P3H2: variants seen among roughly 807,000 people sequenced by gnomAD.
P3H2 encodes leprecan-like 1.
Under a neutral mutation model 87.0 loss-of-function variants are expected in P3H2, and 80 were observed. The observed-to-expected ratio is 0.92, with a 90% CI of 0.77 to 1.11. P3H2 has a LOEUF of 1.11. Among genes scored for constraint, P3H2 ranks in the 50% least tolerant of loss-of-function variants. The pLI is 0.00. For missense variants in P3H2, 1,001 were observed against 923.9 expected (o/e 1.08, Z -1.08); for synonymous variants, 367 against 359.3 (o/e 1.02, Z -0.24).
At chr3:189,958,756 T>C (rs1722719604) in intron 14 of P3H2, among the ~76,000 whole-genome samples, 1 of 144,118 alleles carries the variant, frequency 6.9e-6, no homozygotes, top group Non-Finnish European at 1.5e-5. Flanking sequence ...CAGGCTGGAG[T>C]CCAGTGACGC....
intron 1 of P3H2, among the ~76,000 whole-genome samples, chr3:190,119,582 G>T (rs1351058960): frequency 6.6e-6 from 1 of 152,186 alleles, no homozygotes; most frequent in Non-Finnish European, 1.5e-5. Context: ...CCAGTCCAAT[G>T]CATACCACCA....
chr3:190,043,017 C>A (rs913727383), intron 1 of P3H2, among the ~76,000 whole-genome samples: 1 of 152,068 alleles, frequency 6.6e-6, no homozygotes, highest in African/African-American at 2.4e-5. Context: ...AGTAGCAGAA[C>A]AGAGTACCAT....
intron 1 of P3H2, among the ~76,000 whole-genome samples, chr3:190,050,073 T>C (rs1725930731): frequency 6.6e-6 from 1 of 152,146 alleles, no homozygotes. Flanking sequence ...CAGTGAAAAA[T>C]GCTAATATAA....
At chr3:189,985,963 A>C (rs1287621021) in intron 6 of P3H2, among the ~76,000 whole-genome samples, 1 of 152,180 alleles carries the variant, frequency 6.6e-6, no homozygotes, top group Non-Finnish European at 1.5e-5. Flanking sequence ...AAAAGAATAC[A>C]AATCTCTTTA....
chr3:190,080,659 C>T (rs1037411658), intron 1 of P3H2, among the ~76,000 whole-genome samples: 1 of 152,138 alleles, frequency 6.6e-6, no homozygotes, highest in Non-Finnish European at 1.5e-5. Flanking sequence ...GCCTCGGCCT[C>T]CCAAAGTGCT....
chr3:190,051,831 G>A (rs1320568682), intron 1 of P3H2, among the ~76,000 whole-genome samples: 1 of 152,192 alleles, frequency 6.6e-6, no homozygotes, highest in South Asian at 2.1e-4. Context: ...TTTCAGCCAA[G>A]GGAGGCATTT....
At chr3:189,992,723 GTATC>G (rs1723915187) in intron 3 of P3H2, among the ~76,000 whole-genome samples, 1 of 152,112 alleles carries the variant, frequency 6.6e-6, no homozygotes, top group Non-Finnish European at 1.5e-5. Flanking sequence ...AGTAACAATA[GTATC>G]TATAAGAGTT....
At chr3:189,991,509 C>A (rs1723875835) in intron 3 of P3H2, among the ~76,000 whole-genome samples, 1 of 152,206 alleles carries the variant, frequency 6.6e-6, no homozygotes, top group Non-Finnish European at 1.5e-5. Context: ...ATTCATTAAT[C>A]AACCCATTCA....
At chr3:190,011,115 A>C (rs1283382962) in intron 1 of P3H2, among the ~76,000 whole-genome samples, 1 of 152,138 alleles carries the variant, frequency 6.6e-6, no homozygotes, top group Non-Finnish European at 1.5e-5. Flanking sequence ...CTCTACTAAA[A>C]ATACAAACAA....
At chr3:190,064,893 T>C (rs1395346701) in intron 1 of P3H2, among the ~76,000 whole-genome samples, 1 of 152,108 alleles carries the variant, frequency 6.6e-6, no homozygotes, top group African/African-American at 2.4e-5. Flanking sequence ...AAAATCAAAA[T>C]GTAAAGCAGC....
chr3:190,101,304 C>T (rs1711616726), intron 1 of P3H2, among the ~76,000 whole-genome samples: 1 of 129,218 alleles, frequency 7.7e-6, no homozygotes, highest in Non-Finnish European at 1.5e-5. Context: ...CTGAGGAAGG[C>T]AGGTCAAAAG....
At chr3:189,977,934 T>C (rs1192964797) in intron 8 of P3H2, among the ~76,000 whole-genome samples, 1 of 152,120 alleles carries the variant, frequency 6.6e-6, no homozygotes, top group Non-Finnish European at 1.5e-5. Context: ...AAATCCCCCC[T>C]AAACGTCTTA....
At chr3:189,965,711 C>T (rs1018811377) in intron 13 of P3H2, among the ~76,000 whole-genome samples, 11 of 152,090 alleles carry the variant, frequency 7.2e-5, no homozygotes, top group Admixed American at 5.2e-4. Flanking sequence ...TGAGGCCGGG[C>T]GTGGTGGCTC....
intron 1 of P3H2, among the ~76,000 whole-genome samples, chr3:190,088,454 C>T (rs1727298156): frequency 6.6e-6 from 1 of 150,460 alleles, no homozygotes; most frequent in South Asian, 2.1e-4. Context: ...CCTTTCACTA[C>T]ACTGATGTAT....
At position 189,970,878 on chromosome 3, in the gene P3H2, T is replaced by C. The variant is rs116310842; in HGVS notation, c.1831A>G (p.Met611Val). ...TFRDYSALLY[M>V]NDDFEGGEFI... ...TCTCCTCCTTCAAAGTCATCATTCATATATAGGAGAGCACTATAAGAATGA... is the reference window on the plus strand; with the variant it reads ...TCTCCTCCTTCAAAGTCATCATTCACATATAGGAGAGCACTATAAGAATGA... Residue 611 changes from methionine to valine, a missense_variant, in exon 13 of 15, where the codon ATG (methionine) becomes GTG (valine). Met to Val is a conservative substitution (Grantham distance 21, BLOSUM62 1). Transcript: ENST00000319332. The C allele has an allele frequency of 3.1e-5, 48 of 1,563,524 alleles. No individual in the cohort carries two copies. Among genetic ancestry groups the C allele is most frequent in the South Asian group, 3.3e-5 (3 of 90,034 alleles).
intron 1 of P3H2, among the ~76,000 whole-genome samples, chr3:189,997,769 C>T (rs938082610): frequency 6.6e-6 from 1 of 152,168 alleles, no homozygotes; most frequent in Admixed American, 6.5e-5. Context: ...GTCAAAATCA[C>T]TAATTTTGGA....
chr3:190,065,547 AT>A (rs972935935), intron 1 of P3H2, among the ~76,000 whole-genome samples: 33 of 151,690 alleles, frequency 2.2e-4, no homozygotes, highest in African/African-American at 6.3e-4. Flanking sequence ...CGACATAGAG[AT>A]TTTTTTTTCA....
intron 1 of P3H2, among the ~76,000 whole-genome samples, chr3:190,044,914 T>C (rs949021968): frequency 1.3e-5 from 2 of 152,190 alleles, no homozygotes; most frequent in African/African-American, 4.8e-5. Flanking sequence ...CTAAGATTAA[T>C]ATAGATACAA....
At chr3:190,066,526 T>C (rs1314793012) in intron 1 of P3H2, among the ~76,000 whole-genome samples, 1 of 152,016 alleles carries the variant, frequency 6.6e-6, no homozygotes, top group African/African-American at 2.4e-5. Flanking sequence ...AGACTACAAA[T>C]TGGGTTCAGT....
Sources: allele counts gnomAD v4.1 joint callset (sites outside exome capture counted in the v4.1 genomes callset), GRCh38; gene constraint gnomAD v4.1.1; transcripts MANE v1.5; gene names NCBI Gene and HGNC (gene_info 2026-07-23, HGNC 2026-07-21).